Variants in GAS2 observed in about 807,000 individuals in gnomAD.
The protein encoded by GAS2 is growth arrest specific 2, also known as growth arrest-specific protein 2.
A neutral mutation model predicts 37.5 loss-of-function variants in GAS2; 20 were observed. The observed-to-expected ratio is 0.53, with a 90% CI of 0.37 to 0.77. GAS2 has a LOEUF of 0.77. Ranked by LOEUF, GAS2 falls within the 30% of genes least tolerant of loss-of-function variation. The pLI, the probability that GAS2 is intolerant of heterozygous loss-of-function variation, is 0.00. For missense variants in GAS2, 336 were observed against 373.4 expected, an observed-to-expected ratio of 0.90 and a Z score of 0.82; for synonymous variants, 144 against 132.2, an observed-to-expected ratio of 1.09 and a Z score of -0.61.
chr11:22,697,337 G>C (rs1433723312), intron 3 of GAS2, among the ~76,000 whole-genome samples: 1 of 152,068 alleles, frequency 6.6e-6, no homozygotes, highest in African/African-American at 2.4e-5. Context: ...TGCTGTTTTG[G>C]TTACTGTAGC....
At chr11:22,794,693 G>C (rs1316490448) in intron 7 of GAS2, among the ~76,000 whole-genome samples, 2 of 152,080 alleles carry the variant, frequency 1.3e-5, no homozygotes, top group Non-Finnish European at 2.9e-5. Flanking sequence ...TTTTCTGGAA[G>C]TCAGTAATGC....
chr11:22,772,696 TC>T (rs974097809), intron 7 of GAS2, among the ~76,000 whole-genome samples: 2 of 152,190 alleles, frequency 1.3e-5, no homozygotes, highest in African/African-American at 4.8e-5. Context: ...TTCTCTTCTT[TC>T]CTTTTCTCTG....
chr11:22,721,059 C>T (rs956354012), intron 3 of GAS2, among the ~76,000 whole-genome samples: 2 of 151,964 alleles, frequency 1.3e-5, no homozygotes, highest in African/African-American at 4.8e-5. Flanking sequence ...TGTGCATAAG[C>T]TCAGTTTCTT....
At chr11:22,807,922 ACTGT>A (rs558803934) in intron 7 of GAS2, among the ~76,000 whole-genome samples, 178 of 152,260 alleles carry the variant, frequency 1.2e-3, no homozygotes, top group Non-Finnish European at 2.2e-3. Flanking sequence ...GTTGCTTGAC[ACTGT>A]CTGGGAGTCC....
rs77631847 is a variant in GAS2 at position 22,771,494 on chromosome 11, A to T, written c.723+15541A>T. Among the ~76,000 whole-genome samples the T allele has an allele frequency of 2.6e-3, 401 of 152,288 alleles. 2 individuals carry two copies. The highest frequency in any genetic ancestry group is 9.3e-3 in the African/African-American group (385 of 41,562). On this transcript the variant is annotated intron_variant, in intron 7 of 7. Coordinates refer to ENST00000454584, the MANE Select transcript of GAS2 (RefSeq NM_001143830.3). The stretch of plus-strand genomic sequence containing the variant: ...ACCATACCAAACTTCCAGATGTATC[A>T]GTCATGTTTTAACACTTCAGTATGA...
intron 7 of GAS2, among the ~76,000 whole-genome samples, chr11:22,789,731 C>A (rs1427773433): frequency 6.6e-6 from 1 of 151,464 alleles, no homozygotes; most frequent in Non-Finnish European, 1.5e-5. Context: ...TCCCAAAGTC[C>A]CGGGATTAGA....
chr11:22,683,041 T>C (rs1849770415), intron 2 of GAS2, among the ~76,000 whole-genome samples: 1 of 152,116 alleles, frequency 6.6e-6, no homozygotes, highest in African/African-American at 2.4e-5. Flanking sequence ...ACAGGCTACC[T>C]GTGTGGTGAG....
upstream of GAS2, among the ~76,000 whole-genome samples, chr11:22,665,776 T>C (rs148608122): frequency 6.6e-6 from 1 of 152,332 alleles, no homozygotes; most frequent in East Asian, 1.9e-4. Flanking sequence ...ATTTTTTAAA[T>C]TATATCTAAA....
chr11:22,764,501 A>T (rs1346704188), intron 7 of GAS2, among the ~76,000 whole-genome samples: 1 of 145,540 alleles, frequency 6.9e-6, no homozygotes, highest in Non-Finnish European at 1.5e-5. Context: ...CGGAGCTTGC[A>T]GTGAGTGGGG....
chr11:22,707,159 C>A, intron 3 of GAS2, among the ~76,000 whole-genome samples: 1 of 152,244 alleles, frequency 6.6e-6, no homozygotes, highest in Middle Eastern at 3.4e-3. Flanking sequence ...GGAGATTGGT[C>A]TGGAGTTTCC....
intron 1 of GAS2, among the ~76,000 whole-genome samples, chr11:22,647,510 A>G (rs1224640692): frequency 6.6e-6 from 1 of 151,970 alleles, no homozygotes; most frequent in Non-Finnish European, 1.5e-5. Context: ...TGACTTCCAC[A>G]ATGGTTGAAC....
At chr11:22,750,501 T>A (rs1853667168) in intron 6 of GAS2, among the ~76,000 whole-genome samples, 1 of 152,086 alleles carries the variant, frequency 6.6e-6, no homozygotes, top group South Asian at 2.1e-4. Context: ...TCTGGGTAAC[T>A]GTTCAATCAC....
At chr11:22,705,982 C>T (rs1851096554) in intron 3 of GAS2, among the ~76,000 whole-genome samples, 1 of 152,012 alleles carries the variant, frequency 6.6e-6, no homozygotes, top group Non-Finnish European at 1.5e-5. Context: ...TGAAAGCCCT[C>T]AGATGTAAAG....
intron 3 of GAS2, among the ~76,000 whole-genome samples, chr11:22,693,632 A>G (rs905736433): frequency 6.6e-6 from 1 of 152,202 alleles, no homozygotes; most frequent in African/African-American, 2.4e-5. Context: ...TTGCACATTC[A>G]GGTAAAACTA....
intron 7 of GAS2, among the ~76,000 whole-genome samples, chr11:22,794,021 G>A (rs1021368932): frequency 6.6e-6 from 1 of 151,876 alleles, no homozygotes; most frequent in Non-Finnish European, 1.5e-5. Context: ...AACGATTTCA[G>A]ATAAAATTAC....
chr11:22,719,683 C>G (rs1032586823), intron 3 of GAS2, among the ~76,000 whole-genome samples: 5 of 152,062 alleles, frequency 3.3e-5, no homozygotes, highest in African/African-American at 1.2e-4. Flanking sequence ...TTTGCCTTTT[C>G]CAGATTGTCA....
At chr11:22,679,398 G>A (rs1849573629) in intron 2 of GAS2, among the ~76,000 whole-genome samples, 2 of 151,760 alleles carry the variant, frequency 1.3e-5, no homozygotes, top group South Asian at 4.2e-4. Context: ...ATGCCCTTAG[G>A]GTATATTAGA....
At chr11:22,776,905 T>G (rs891026422) in intron 7 of GAS2, among the ~76,000 whole-genome samples, 4 of 152,166 alleles carry the variant, frequency 2.6e-5, no homozygotes, top group African/African-American at 9.6e-5. Context: ...ATATGTTAGT[T>G]TCTAAACTGG....
intron 5 of GAS2, among the ~76,000 whole-genome samples, chr11:22,738,534 A>C (rs1852877169): frequency 6.6e-6 from 1 of 152,228 alleles, no homozygotes; most frequent in African/African-American, 2.4e-5. Flanking sequence ...GCAAATTAAA[A>C]ATTCAAGATT....
Sources: gnomAD v4.1 joint callset for allele counts (sites outside exome capture counted in the v4.1 genomes callset) on GRCh38, gnomAD v4.1.1 for gene constraint, MANE v1.5 for transcripts, NCBI Gene and HGNC (gene_info 2026-07-23, HGNC 2026-07-21) for gene names.